Variants in KLHL1 observed in about 807,000 individuals in gnomAD.
KLHL1 encodes kelch like family member 1.
In KLHL1, 47 loss-of-function variants were observed where a neutral mutation model predicts 77.7. The observed-to-expected ratio is 0.60, with a 90% confidence interval of 0.48 to 0.77. The LOEUF (loss-of-function observed/expected upper bound fraction) is 0.77, where lower values mean the gene tolerates loss of function less well. Ranked by LOEUF, KLHL1 falls within the 30% of genes least tolerant of loss-of-function variation. The probability of loss-of-function intolerance (pLI) is 0.00; values close to 1 mark genes in which losing one functional copy is unlikely to be tolerated. For missense variants in KLHL1, 925 were observed against 910.8 expected, an observed-to-expected ratio of 1.02 and a Z score of -0.20; for synonymous variants, 360 against 325.2, an observed-to-expected ratio of 1.11 and a Z score of -1.15.
intron 7 of KLHL1, among the ~76,000 whole-genome samples, chr13:69,795,146 G>A (rs1877047586): frequency 6.6e-6 from 1 of 152,148 alleles, no homozygotes; most frequent in Non-Finnish European, 1.5e-5. Context: ...CCATCAACCT[G>A]GCTTTAACTG....
intron 4 of KLHL1, among the ~76,000 whole-genome samples, chr13:69,926,168 C>T (rs1483341227): frequency 6.6e-6 from 1 of 152,112 alleles, no homozygotes; most frequent in Non-Finnish European, 1.5e-5. Flanking sequence ...AGGGGAGATG[C>T]TCTCAAACAT....
intron 1 of KLHL1, among the ~76,000 whole-genome samples, chr13:70,049,998 C>CA (rs1886591424): frequency 1.3e-5 from 2 of 151,448 alleles, no homozygotes; most frequent in African/African-American, 4.8e-5. Flanking sequence ...ATAGAAAAAA[C>CA]AAAAAATTAA....
At chr13:69,709,217 A>T (rs189123072) in intron 9 of KLHL1, among the ~76,000 whole-genome samples, 31 of 152,108 alleles carry the variant, frequency 2.0e-4, no homozygotes, top group Admixed American at 6.6e-4. Context: ...AGATGCAGAC[A>T]TACATAGACA....
intron 7 of KLHL1, among the ~76,000 whole-genome samples, chr13:69,793,332 C>T (rs1876952594): frequency 2.6e-5 from 4 of 152,008 alleles, no homozygotes; most frequent in South Asian, 4.1e-4. Flanking sequence ...GTTTAATTCC[C>T]TGGGCAGATC....
intron 1 of KLHL1, among the ~76,000 whole-genome samples, chr13:70,057,469 C>CAAAAAAAAAA (rs56235725): frequency 2.3e-5 from 2 of 87,092 alleles, no homozygotes; most frequent in African/African-American, 9.2e-5. Context: ...AAAGACACAT[C>CAAAAAAAAAA]AAAAAAAAAA....
intron 1 of KLHL1, among the ~76,000 whole-genome samples, chr13:69,987,705 C>A (rs1480693601): frequency 2.0e-5 from 3 of 151,932 alleles, no homozygotes; most frequent in Non-Finnish European, 4.4e-5. Context: ...TTTGTTTTGG[C>A]TCTCTTTGAA....
At position 70,107,366 on chromosome 13, in the gene KLHL1, TGCCCTGCCCAGGA is replaced by T; in HGVS notation, c.321_333del (p.Pro108LeufsTer14). 6.2e-7 allele frequency: 1 copy of T among 1,613,940 alleles called. No individual in the cohort carries two copies. Among genetic ancestry groups the T allele is most frequent in the Non-Finnish European group, 8.5e-7 (1 of 1,180,002 alleles). On this transcript the variant is annotated frameshift_variant, in exon 1 of 11. Coordinates refer to ENST00000377844, the MANE Select transcript of KLHL1 (RefSeq NM_020866.3). LOFTEE classifies it high-confidence loss of function. The stretch of plus-strand genomic sequence containing the variant: ...AAGAGAGTCCTGGCTGGCTGCTGAG[TGCCCTGCCCAGGA>T]GCCCCTTGCTGCAGCCTCGTGGCAA...
intron 3 of KLHL1, among the ~76,000 whole-genome samples, chr13:69,945,143 G>A (rs938880165): frequency 9.9e-5 from 15 of 151,100 alleles, no homozygotes; most frequent in Admixed American, 3.3e-4. Flanking sequence ...CCGCCACCAC[G>A]CCCAGCTAAT....
chr13:69,984,582 C>T (rs536907220), intron 1 of KLHL1, among the ~76,000 whole-genome samples: 4 of 152,266 alleles, frequency 2.6e-5, no homozygotes, highest in Non-Finnish European at 4.4e-5. Context: ...ATACTGCCTC[C>T]TCTAGCTAGT....
At chr13:70,089,816 C>A (rs1887631327) in intron 1 of KLHL1, among the ~76,000 whole-genome samples, 1 of 152,070 alleles carries the variant, frequency 6.6e-6, no homozygotes. Context: ...AAGTGTGAAA[C>A]AAGTCATATT....
chr13:69,969,464 C>T (rs1354869956), intron 2 of KLHL1, among the ~76,000 whole-genome samples: 1 of 151,904 alleles, frequency 6.6e-6, no homozygotes, highest in Admixed American at 6.6e-5. Flanking sequence ...TTAATTAAAT[C>T]ATTGTATGAT....
At chr13:70,033,261 G>A (rs1351686893) in intron 1 of KLHL1, among the ~76,000 whole-genome samples, 2 of 151,948 alleles carry the variant, frequency 1.3e-5, no homozygotes, top group Non-Finnish European at 2.9e-5. Flanking sequence ...CTGCTGTTAG[G>A]CTTCTAATAA....
intron 4 of KLHL1, chr13:69,895,058 C>T (rs545321601): frequency 2.0e-6 from 1 of 492,852 alleles, no homozygotes; most frequent in African/African-American, 2.0e-5. Context: ...GTCAGAGTCT[C>T]CTTCAGATCA....
intron 1 of KLHL1, among the ~76,000 whole-genome samples, chr13:69,983,842 G>T (rs1400371158): frequency 1.3e-5 from 2 of 151,936 alleles, no homozygotes; most frequent in African/African-American, 4.8e-5. Flanking sequence ...CATAAAAATA[G>T]ATACATAGAC....
intron 9 of KLHL1, 70 bp from the exon 10 acceptor site, chr13:69,707,866 T>A: frequency 7.5e-7 from 1 of 1,334,366 alleles, no homozygotes; most frequent in Non-Finnish European, 1.0e-6. Context: ...AAATTTTACT[T>A]TTTACAAAGC....
chr13:70,022,322 A>T (rs889653609), intron 1 of KLHL1, among the ~76,000 whole-genome samples: 1 of 148,592 alleles, frequency 6.7e-6, no homozygotes, highest in Non-Finnish European at 1.5e-5. Context: ...TGGTTGTAGG[A>T]TCTCTATTCT....
Position 69,707,721 on chromosome 13 carries a change from G to C in KLHL1, c.2091C>G (p.Leu697=), listed in dbSNP as rs1170605207. The C allele has an allele frequency of 6.2e-7, 1 of 1,612,904 alleles. No homozygotes were observed. Among genetic ancestry groups the C allele is most frequent in the Non-Finnish European group, 8.5e-7 (1 of 1,179,274 alleles). ...CAACAGCATATAATCTGTCACCAAG[G>C]AGACAGACCCCAACAGCATCTCTGG... ...SMPRDAVGVC[L]LGDRLYAVGG... Residue 697 remains leucine, a synonymous_variant, in exon 10 of 11, where the codon CTC becomes CTG. Transcript: ENST00000377844.
In KLHL1 at chr13:69,707,904, T is replaced by A. The variant is rs187503117; in HGVS notation, c.2016-108A>T. On this transcript the variant is annotated intron_variant, in intron 9 of 10. Transcript: ENST00000377844. ...GTCATGAAAAAGGAAACTACCTTTT[T>A]TTTTCTCTAAAGGCTCAATCATTTG... is the stretch of plus-strand genomic sequence containing the variant. 175 of 832,396 alleles carry A rather than the reference T, an allele frequency of 2.1e-4. 1 individual carries two copies. The African/African-American group carries it at 2.3e-3, about 11-fold the overall frequency. 51.6% of individuals were successfully genotyped at this position (832,396 alleles called of 1,614,324 possible).
chr13:70,018,051 C>CAAA (rs3072681), intron 1 of KLHL1, among the ~76,000 whole-genome samples: 60 of 151,366 alleles, frequency 4.0e-4, no homozygotes, highest in African/African-American at 1.2e-3. Flanking sequence ...AGAACTAGCG[C>CAAA]AAAAAAAAGT....
Sources: allele counts gnomAD v4.1 joint callset (sites outside exome capture counted in the v4.1 genomes callset), GRCh38; gene constraint gnomAD v4.1.1; transcripts MANE v1.5; gene names NCBI Gene and HGNC (gene_info 2026-07-23, HGNC 2026-07-21).